Variants in RYR2 observed in about 807,000 individuals in gnomAD.
RYR2 encodes the protein ryanodine receptor 2.
A neutral mutation model predicts 601.1 loss-of-function variants in RYR2; 227 were observed. That is an observed-to-expected ratio of 0.38 (90% confidence interval 0.34 to 0.42). RYR2 has a LOEUF of 0.42. RYR2 is among the 10% of genes least tolerant of loss of function. RYR2 has a pLI of 1.00. For missense variants in RYR2, 4,646 were observed against 6,156.5 expected (o/e 0.75, Z 8.21); for synonymous variants, 2,223 against 2,175.1 (o/e 1.02, Z -0.61).
chr1:237,527,619 C>T lies in RYR2; in HGVS notation c.2823-2808C>T, dbSNP rs151221980. Among the ~76,000 whole-genome samples, 10 of 152,254 alleles carry T rather than the reference C, an allele frequency of 6.6e-5. No individual in the cohort carries two copies. In the East Asian group the frequency reaches 1.9e-3, roughly 29 times the overall value. ...CTTATTCACCTACCTGAAATATTTG[C>T]CTCTTCATCTCTTTATCCTTTATTC... On this transcript the variant is annotated intron_variant, in intron 24 of 104. Coordinates refer to ENST00000366574, the MANE Select transcript of RYR2 (RefSeq NM_001035.3).
intron 16 of RYR2, 105 bp from the exon 17 acceptor site, chr1:237,468,987 A>T (rs1449568659): frequency 1.4e-5 from 11 of 804,852 alleles, no homozygotes; most frequent in Non-Finnish European, 2.1e-5. Flanking sequence ...GATGTAACAG[A>T]GGATATTTTG....
intron 88 of RYR2, among the ~76,000 whole-genome samples, chr1:237,780,796 A>T (rs958779844): frequency 6.6e-6 from 1 of 152,216 alleles, no homozygotes; most frequent in African/African-American, 2.4e-5. Context: ...TGGTTAATTT[A>T]TCTAACAAAT....
At chr1:237,110,159 T>G (rs1669294266) in intron 1 of RYR2, among the ~76,000 whole-genome samples, 1 of 152,020 alleles carries the variant, frequency 6.6e-6, no homozygotes, top group South Asian at 2.1e-4. Context: ...GTTCTTAAAC[T>G]TGAGTGTGCA....
rs56970019 is a variant in RYR2, at chr1:237,783,423, G to A, written c.11963-252G>A. Among the ~76,000 whole-genome samples, 645 of 152,190 alleles carry A rather than the reference G, an allele frequency of 4.2e-3. 5 individuals are homozygous for A. Among genetic ancestry groups the A allele is most frequent in the African/African-American group, 0.015 (608 of 41,514 alleles). On this transcript the variant is annotated intron_variant, in intron 89 of 104. Transcript: ENST00000366574. ...TCTAAAACATGTTGCTTCTTTGATTGAGGGGAAAAATGTCAACTTTTGTTG... is the reference window on the plus strand; with the variant it reads ...TCTAAAACATGTTGCTTCTTTGATTAAGGGGAAAAATGTCAACTTTTGTTG...
chr1:237,248,282 G>GC (rs1171897382), intron 1 of RYR2, among the ~76,000 whole-genome samples: 9 of 14,072 alleles, frequency 6.4e-4, no homozygotes, highest in East Asian at 3.2e-3. Flanking sequence ...CCGCAACCCC[G>GC]CCCCCCCCCC....
In RYR2 at chr1:237,270,438, G is replaced by T. The variant is rs531114748; in HGVS notation, c.49-59G>T. ...AATAATGTTCTTCAAGATATGATTT[G>T]GACTGTGCAGTCATGTCACGTCTCA... is the stretch of plus-strand genomic sequence containing the variant. On this transcript the variant is annotated intron_variant, in intron 1 of 104. Transcript: ENST00000366574. 61 of 1,545,544 alleles carry T rather than the reference G, an allele frequency of 3.9e-5. 1 individual carries two copies. In the African/African-American group the frequency reaches 7.9e-4, roughly 20 times the overall value.
chr1:237,795,031 TAATA>T (rs1164338139), intron 95 of RYR2, among the ~76,000 whole-genome samples: 7 of 152,340 alleles, frequency 4.6e-5, no homozygotes, highest in Admixed American at 2.6e-4. Context: ...CAATGCTACC[TAATA>T]AATATGCTCA....
intron 84 of RYR2, among the ~76,000 whole-genome samples, chr1:237,768,896 G>A (rs1461742635): frequency 2.0e-5 from 3 of 152,088 alleles, no homozygotes; most frequent in East Asian, 1.9e-4. Flanking sequence ...TGCGATGTAC[G>A]GTGTGTCCTT....
intron 24 of RYR2, among the ~76,000 whole-genome samples, chr1:237,527,127 T>C (rs1667673706): frequency 6.6e-6 from 1 of 152,242 alleles, no homozygotes; most frequent in Non-Finnish European, 1.5e-5. Flanking sequence ...TGTGGCTTTA[T>C]TTTTGGGTTC....
intron 16 of RYR2, among the ~76,000 whole-genome samples, chr1:237,461,486 CT>C (rs777284371): frequency 4.6e-5 from 7 of 152,110 alleles, no homozygotes; most frequent in Non-Finnish European, 7.4e-5. Context: ...TCTCTAAACT[CT>C]CTGTATTGCG....
chr1:237,195,830 G>C (rs899507322), intron 1 of RYR2, among the ~76,000 whole-genome samples: 1 of 152,042 alleles, frequency 6.6e-6, no homozygotes, highest in Admixed American at 6.5e-5. Context: ...ATATGTATAG[G>C]GCTTAAGAAA....
rs1660017245 is a variant in RYR2, at chr1:237,042,426, T to A, written c.-96T>A. On this transcript the variant is annotated 5_prime_UTR_variant, in exon 1 of 105. Coordinates refer to ENST00000366574, the MANE Select transcript of RYR2 (RefSeq NM_001035.3). ...AGCGCGGCCCCCTCCAGCCCCCGGCTCCCGGCAGCAGAAGCAGAAGGCAGC... is the reference window on the plus strand; with the variant it reads ...AGCGCGGCCCCCTCCAGCCCCCGGCACCCGGCAGCAGAAGCAGAAGGCAGC... The A allele has an allele frequency of 8.7e-7, 1 of 1,154,872 alleles. No individual in the cohort carries two copies. Among genetic ancestry groups the A allele is most frequent in the African/African-American group, 1.6e-5 (1 of 61,816 alleles). The allele number at this position is 1,154,872 out of a possible 1,614,324, so 71.5% of individuals were successfully genotyped here. A position where few individuals can be genotyped will look rare whatever the true frequency, so the allele number is the denominator to read the frequency against.
At chr1:237,508,924 A>C (rs921951682) in intron 23 of RYR2, among the ~76,000 whole-genome samples, 1 of 150,912 alleles carries the variant, frequency 6.6e-6, no homozygotes, top group Non-Finnish European at 1.5e-5. Context: ...TTGTATTTTT[A>C]GTAGAGACGG....
At chr1:237,117,747 C>CTTCTCT in intron 1 of RYR2, among the ~76,000 whole-genome samples, 1 of 137,946 alleles carries the variant, frequency 7.2e-6, no homozygotes, top group Non-Finnish European at 1.6e-5. Flanking sequence ...CTTCTCTTCT[C>CTTCTCT]TTCTCTTCTC....
chr1:237,161,806 A>G (rs1475093548), intron 1 of RYR2, among the ~76,000 whole-genome samples: 4 of 152,250 alleles, frequency 2.6e-5, no homozygotes, highest in African/African-American at 9.6e-5. Context: ...ATCTGGGTAG[A>G]AATGAACAAA....
intron 1 of RYR2, among the ~76,000 whole-genome samples, chr1:237,059,104 C>T (rs566257995): frequency 3.3e-5 from 5 of 152,208 alleles, no homozygotes; most frequent in South Asian, 2.1e-4. Flanking sequence ...CCATAAATGA[C>T]ACCAGTTTCA....
At chr1:237,087,092 C>T (rs970280693) in intron 1 of RYR2, among the ~76,000 whole-genome samples, 7 of 152,134 alleles carry the variant, frequency 4.6e-5, no homozygotes, top group Non-Finnish European at 8.8e-5. Flanking sequence ...CAGGAGGACC[C>T]CTTTCACAGT....
Position 237,798,135 on chromosome 1 carries a change from G to A in RYR2, c.14055G>A (p.Lys4685=), listed in dbSNP as rs765409439. 13 of 1,612,222 alleles carry A rather than the reference G, an allele frequency of 8.1e-6. No homozygotes were observed. The highest frequency in any genetic ancestry group is 8.5e-6 in the Non-Finnish European group (10 of 1,179,188). Residue 4685 remains lysine, a synonymous_variant, in exon 97 of 105, where the codon AAG becomes AAA. Coordinates refer to ENST00000366574, the MANE Select transcript of RYR2 (RefSeq NM_001035.3). ...TGGACTTCAGTGATGCCAGAGAAAA[G>A]AAGAAGCCAAAGAAAGACAGCTCCT... ...AALDFSDARE[K]KKPKKDSSLS... is the part of the protein sequence containing the mutation.
chr1:237,646,126 C>T (rs1319685042), intron 48 of RYR2, among the ~76,000 whole-genome samples: 1 of 152,108 alleles, frequency 6.6e-6, no homozygotes, highest in East Asian at 1.9e-4. Flanking sequence ...ATCGGCACAT[C>T]TCGGCCTCCC....
Sources: gnomAD v4.1 joint callset for allele counts (sites outside exome capture counted in the v4.1 genomes callset) on GRCh38, gnomAD v4.1.1 for gene constraint, MANE v1.5 for transcripts, NCBI Gene and HGNC (gene_info 2026-07-23, HGNC 2026-07-21) for gene names.